PARD3B: variants seen among roughly 807,000 people sequenced by gnomAD.
PARD3B encodes partitioning defective 3 homolog B.
A neutral mutation model predicts 130.2 loss-of-function variants in PARD3B; 103 were observed. The observed-to-expected ratio is 0.79, with a 90% CI of 0.67 to 0.93. The LOEUF (loss-of-function observed/expected upper bound fraction) is 0.93. Among genes scored for constraint, PARD3B ranks in the 40% least tolerant of loss-of-function variants. The pLI, the probability that PARD3B is intolerant of heterozygous loss-of-function variation, is 0.00. For synonymous variants in PARD3B, 583 were observed against 553.2 expected (o/e 1.05, Z -0.76); for missense variants, 1,609 against 1,499.2 (o/e 1.07, Z -1.21).
chr2:204,978,974 A>G lies in PARD3B; in HGVS notation c.394+13651A>G, dbSNP rs539637011. Reference sequence around the variant, plus strand: ...AATGAGACCCTGGCCTCAAAAAAAAAAAAAAAAAAAAAGACAGTTTTAATG... The same window carrying G: ...AATGAGACCCTGGCCTCAAAAAAAAGAAAAAAAAAAAAGACAGTTTTAATG... On this transcript the variant is annotated intron_variant, in intron 3 of 22. Transcript: ENST00000406610. Among the ~76,000 whole-genome samples, 3 of 151,766 alleles carry G rather than the reference A, an allele frequency of 2.0e-5. 1 individual carries two copies. The highest frequency in any genetic ancestry group is 2.0e-4 in the Admixed American group (3 of 15,242).
At chr2:204,888,769 T>G (rs1007105483) in intron 2 of PARD3B, among the ~76,000 whole-genome samples, 2 of 147,508 alleles carry the variant, frequency 1.4e-5, no homozygotes, top group African/African-American at 5.0e-5. Flanking sequence ...GGGACCAAGA[T>G]GAGGAGGCCT....
rs1446985546 is a variant in PARD3B at position 205,341,280 on chromosome 2, T to A, written c.2630+39579T>A. 6.6e-6 allele frequency among the ~76,000 whole-genome samples: 1 copy of A among 152,048 alleles called. No homozygotes were observed. Among genetic ancestry groups the A allele is most frequent in the Non-Finnish European group, 1.5e-5 (1 of 67,970 alleles). On this transcript the variant is annotated intron_variant, in intron 18 of 22. Coordinates refer to ENST00000406610, the MANE Select transcript of PARD3B (RefSeq NM_001302769.2). The surrounding 1 kb of genome is among the most constrained non-coding windows in gnomAD (Gnocchi z 4.3). ...GAAAGGAGTCAGTATATCAAAGGGA[T>A]ACCTGCACCCGCATGTTTAATGCAT...
At position 205,616,992 on chromosome 2, in the gene PARD3B, G is replaced by C. The variant is rs1203237762; in HGVS notation, c.*1179G>C. 6.5e-6 allele frequency: 1 copy of C among 154,412 alleles called. No individual in the cohort carries two copies. The highest frequency in any genetic ancestry group is 1.5e-5 in the Non-Finnish European group (1 of 68,260). 9.6% of individuals were successfully genotyped at this position (154,412 alleles called of 1,614,324 possible). A position where few individuals can be genotyped will look rare whatever the true frequency, so the allele number is the denominator to read the frequency against. ...TGAAAGATTAATAATGCTTTCTGGA[G>C]AGTTTGATGCAAAAGTGGGGGAAAC... On this transcript the variant is annotated 3_prime_UTR_variant, in exon 23 of 23. Transcript: ENST00000406610.
chr2:204,796,959 C>T, intron 2 of PARD3B, among the ~76,000 whole-genome samples: 1 of 151,942 alleles, frequency 6.6e-6, no homozygotes, highest in East Asian at 1.9e-4. Flanking sequence ...TGGATCATTT[C>T]AGGTCTGGAG....
intron 2 of PARD3B, among the ~76,000 whole-genome samples, chr2:204,896,597 G>A (rs1348938637): frequency 6.6e-6 from 1 of 152,126 alleles, no homozygotes; most frequent in East Asian, 1.9e-4. Context: ...TTCAGTTCCT[G>A]GAACATTGTA....
intron 15 of PARD3B, among the ~76,000 whole-genome samples, chr2:205,211,653 T>C (rs2037641435): frequency 6.6e-6 from 1 of 152,146 alleles, no homozygotes; most frequent in Non-Finnish European, 1.5e-5. Context: ...ACTTGGTTTC[T>C]AGTGTTCATA....
At chr2:204,785,462 C>T (rs1429334463) in intron 2 of PARD3B, among the ~76,000 whole-genome samples, 1 of 152,190 alleles carries the variant, frequency 6.6e-6, no homozygotes, top group East Asian at 1.9e-4. Context: ...CAGCTCTTCC[C>T]CTTTCTGGAC....
intron 20 of PARD3B, among the ~76,000 whole-genome samples, chr2:205,491,223 G>A (rs6722057): frequency 0.082 from 12,463 of 152,088 alleles, 705 homozygotes; most frequent in Non-Finnish European, 0.13. Context: ...TTTCTTCTAG[G>A]GTTTCTATGG....
chr2:205,008,745 G>A (rs1009556238), intron 3 of PARD3B, among the ~76,000 whole-genome samples: 1 of 152,144 alleles, frequency 6.6e-6, no homozygotes, highest in African/African-American at 2.4e-5. Flanking sequence ...GGAGAAGTTA[G>A]AATATTTGTT....
At chr2:205,462,383 GT>G (rs552986238) in intron 20 of PARD3B, among the ~76,000 whole-genome samples, 1 of 151,894 alleles carries the variant, frequency 6.6e-6, no homozygotes, top group African/African-American at 2.4e-5. Flanking sequence ...CAGTCTTAAT[GT>G]TTTTTTTGAC....
chr2:205,222,153 T>G (rs1004300792), intron 15 of PARD3B, among the ~76,000 whole-genome samples: 13 of 146,330 alleles, frequency 8.9e-5, no homozygotes, highest in Admixed American at 7.0e-4. Context: ...ACCCAGAAAG[T>G]TAATGAACTA....
Position 205,550,874 on chromosome 2 carries a change from GTATATTTGTATGTATATATA to G in PARD3B, c.3181-2449_3181-2430del, listed in dbSNP as rs1396101329. 2.1e-5 allele frequency among the ~76,000 whole-genome samples: 3 copies of G among 144,222 alleles called. No individual in the cohort carries two copies. The highest frequency in any genetic ancestry group is 7.6e-5 in the African/African-American group (3 of 39,398). The allele number at this position is 144,222 out of a possible 152,430, so 94.6% of individuals were successfully genotyped here. A position where few individuals can be genotyped will look rare whatever the true frequency, so the allele number is the denominator to read the frequency against. On this transcript the variant is annotated intron_variant, in intron 21 of 22. Coordinates refer to ENST00000406610, the MANE Select transcript of PARD3B (RefSeq NM_001302769.2). The surrounding 1 kb of genome is among the most constrained non-coding windows in gnomAD (Gnocchi z 4.5). ...TATATGTATATTTGTATGTATATAT[GTATATTTGTATGTATATATA>G]CATAATCATGTTATAAATACATATA... is the stretch of plus-strand genomic sequence containing the variant.
Position 205,585,880 on chromosome 2 carries a change from G to A in PARD3B, c.3261-29576G>A, listed in dbSNP as rs998936846. Among the ~76,000 whole-genome samples, 3 of 152,152 alleles carry A rather than the reference G, an allele frequency of 2.0e-5. No individual in the cohort carries two copies. The highest frequency in any genetic ancestry group is 4.4e-5 in the Non-Finnish European group (3 of 68,042). On this transcript the variant is annotated intron_variant, in intron 22 of 22. Transcript: ENST00000406610. The surrounding 1 kb of genome is among the most constrained non-coding windows in gnomAD (Gnocchi z 5.4). ...CCACCCTCCGGCCACAGCAGGTCTG[G>A]TGGTCACGGGAACCCACATCTTACA...
rs915445015 is a variant in PARD3B, at chr2:204,631,139, C to G, written c.121-55042C>G. On this transcript the variant is annotated intron_variant, in intron 1 of 22. Coordinates refer to ENST00000406610, the MANE Select transcript of PARD3B (RefSeq NM_001302769.2). ...CTGCTTTAGCTGAATCCCGGAGATTCTGGTACAGCTATCTTTTTCTCATTA... is the reference window on the plus strand; with the variant it reads ...CTGCTTTAGCTGAATCCCGGAGATTGTGGTACAGCTATCTTTTTCTCATTA... Among the ~76,000 whole-genome samples, 3 of 152,038 alleles carry G rather than the reference C, an allele frequency of 2.0e-5. No individual in the cohort carries two copies. The East Asian group carries it at 5.8e-4, about 29-fold the overall frequency.
intron 18 of PARD3B, among the ~76,000 whole-genome samples, chr2:205,323,965 A>G (rs1574700786): frequency 6.6e-6 from 1 of 152,206 alleles, no homozygotes; most frequent in Non-Finnish European, 1.5e-5. Flanking sequence ...GTATTTACCC[A>G]TGCTTTTCCA....
rs534617060 is a variant in PARD3B, at chr2:205,252,844, C to CT, written c.2185+7022_2185+7023insT. Reference sequence around the variant, plus strand: ...GTTGTAGGAACCTGAAGGGACCCCCCCCCCCCACCAAAAAAAAAAAAAAAG... The same window carrying CT: ...GTTGTAGGAACCTGAAGGGACCCCCCTCCCCCCACCAAAAAAAAAAAAAAAG... On this transcript the variant is annotated intron_variant, in intron 16 of 22. Coordinates refer to ENST00000406610, the MANE Select transcript of PARD3B (RefSeq NM_001302769.2). Among the ~76,000 whole-genome samples the CT allele has an allele frequency of 3.1e-4, 42 of 137,504 alleles. 1 individual carries two copies. In the South Asian group the frequency reaches 0.01, roughly 34 times the overall value. The allele number at this position is 137,504 out of a possible 152,430, so 90.2% of individuals were successfully genotyped here. A position where few individuals can be genotyped will look rare whatever the true frequency, so the allele number is the denominator to read the frequency against.
intron 2 of PARD3B, among the ~76,000 whole-genome samples, chr2:204,696,477 T>C (rs996722567): frequency 6.6e-6 from 1 of 152,078 alleles, no homozygotes; most frequent in Non-Finnish European, 1.5e-5. Context: ...TCACTTTATA[T>C]TATTAATTAG....
At chr2:204,660,428 A>G (rs1357300987) in intron 1 of PARD3B, among the ~76,000 whole-genome samples, 2 of 152,306 alleles carry the variant, frequency 1.3e-5, no homozygotes, top group East Asian at 1.9e-4. Context: ...TTGAGTACCT[A>G]TAGTTTGCCA....
Position 205,499,898 on chromosome 2 carries a change from G to T in PARD3B, c.3047G>T (p.Gly1016Val). 6.2e-7 allele frequency: 1 copy of T among 1,613,434 alleles called. No homozygotes were observed. Among genetic ancestry groups the T allele is most frequent in the Non-Finnish European group, 8.5e-7 (1 of 1,179,472 alleles). The change falls in exon 21 of 23, where the codon GGC becomes GTC. Residue 1016 changes from glycine (G) to valine (V), a missense_variant and splice_region_variant. By Grantham distance (109) the Gly-to-Val change is moderately radical. Transcript: ENST00000406610. ...PYHPLVPADS[G>V]RPTGGSTDRI... ...GATTATTTGTCTATATCCTGTAGTGGCCGTCCTACGGGTGGAAGCACTGAC... is the reference window on the plus strand; with the variant it reads ...GATTATTTGTCTATATCCTGTAGTGTCCGTCCTACGGGTGGAAGCACTGAC...
Sources: allele counts gnomAD v4.1 joint callset (sites outside exome capture counted in the v4.1 genomes callset), GRCh38; gene constraint gnomAD v4.1.1; non-coding constraint Gnocchi (gnomAD v3.1); transcripts MANE v1.5; gene names NCBI Gene and HGNC (gene_info 2026-07-23, HGNC 2026-07-21).